The following C9 variants were observed in gnomAD, a reference collection of about 807,000 sequenced individuals.
C9 encodes complement C9.
Under a neutral mutation model 65.4 loss-of-function variants are expected in C9, and 63 were observed. The ratio of observed to expected loss-of-function variants is 0.96; its 90% CI spans 0.79 to 1.19. The LOEUF (loss-of-function observed/expected upper bound fraction) is 1.19. C9 is among the 50% of genes most tolerant of loss of function. The probability of loss-of-function intolerance (pLI) is 0.00; values close to 1 mark genes in which losing one functional copy is unlikely to be tolerated. For missense variants in C9, 744 were observed against 670.1 expected, an observed-to-expected ratio of 1.11 and a Z score of -1.22; for synonymous variants, 229 against 227.9, an observed-to-expected ratio of 1.00 and a Z score of -0.04.
chr5:39,347,988 T>C (rs1310316714), intron 1 of C9, among the ~76,000 whole-genome samples: 3 of 140,848 alleles, frequency 2.1e-5, no homozygotes, highest in Non-Finnish European at 3.1e-5. Context: ...TGAAACTGGA[T>C]CCCTTCCTTA....
chr5:39,308,444 T>A, intron 7 of C9, 86 bp from the exon 8 acceptor site: 4 of 985,388 alleles, frequency 4.1e-6, no homozygotes, highest in Non-Finnish European at 4.9e-6. Flanking sequence ...TCAAGCAACA[T>A]CCTTACTTAG....
intron 7 of C9, among the ~76,000 whole-genome samples, chr5:39,310,031 G>T (rs1188824091): frequency 6.6e-6 from 1 of 152,030 alleles, no homozygotes; most frequent in African/African-American, 2.4e-5. Context: ...CTATGCTGTG[G>T]ATATAGCCCT....
intron 1 of C9, among the ~76,000 whole-genome samples, chr5:39,362,995 A>G (rs1310858919): frequency 3.3e-5 from 5 of 152,114 alleles, no homozygotes; most frequent in Admixed American, 6.5e-5. Flanking sequence ...GCCAGGACCC[A>G]GGGGGTACGC....
chr5:39,353,285 A>G (rs549380944), intron 1 of C9, among the ~76,000 whole-genome samples: 1 of 152,342 alleles, frequency 6.6e-6, no homozygotes, highest in South Asian at 2.1e-4. Flanking sequence ...TAGATCTGTT[A>G]AATAATAAAT....
chr5:39,320,099 A>T (rs891194352), intron 5 of C9, among the ~76,000 whole-genome samples: 8 of 152,210 alleles, frequency 5.3e-5, no homozygotes, highest in Non-Finnish European at 1.0e-4. Context: ...GGTCACAAAG[A>T]TCACACATAA....
chr5:39,360,488 C>T, intron 1 of C9, among the ~76,000 whole-genome samples: 1 of 152,004 alleles, frequency 6.6e-6, no homozygotes, highest in East Asian at 1.9e-4. Context: ...GAAAGTAACT[C>T]CACTAAAACA....
At chr5:39,332,255 T>C (rs1753857702) in intron 4 of C9, among the ~76,000 whole-genome samples, 2 of 152,190 alleles carry the variant, frequency 1.3e-5, no homozygotes, top group East Asian at 1.9e-4. Flanking sequence ...TGAATCAACA[T>C]TGGGGCTTTC....
Position 39,341,267 on chromosome 5 carries a change from A to C in C9, c.355T>G (p.Cys119Gly), listed in dbSNP as rs121909593. Residue 119 changes from cysteine (C) to glycine (G), a missense_variant, in exon 4 of 11, where the codon TGT becomes GGT. By Grantham distance (159) the Cys-to-Gly change is radical. Transcript: ENST00000263408. ...TCTCCGCAGTCATTGTCACCATTAC[A>C]CCGAAGTCGCATCTTTATGCATCTG... ...TGRCIKMRLR[C>G]NGDNDCGDFS... The C allele has an allele frequency of 1.9e-4, 305 of 1,614,010 alleles. No homozygotes were observed. The highest frequency in any genetic ancestry group is 1.2e-3 in the Middle Eastern group (7 of 6,084).
chr5:39,346,542 CA>C (rs1754198272), intron 1 of C9, among the ~76,000 whole-genome samples: 1 of 151,970 alleles, frequency 6.6e-6, no homozygotes, highest in African/African-American at 2.4e-5. Context: ...GCCTACCAAC[CA>C]AAAAAAGTCC....
intron 1 of C9, among the ~76,000 whole-genome samples, chr5:39,351,256 C>T (rs904937504): frequency 2.6e-5 from 4 of 152,162 alleles, no homozygotes; most frequent in Non-Finnish European, 4.4e-5. Flanking sequence ...TCATTTTTAC[C>T]TCCTAGATAT....
intron 1 of C9, among the ~76,000 whole-genome samples, chr5:39,347,219 AG>A (rs1579876195): frequency 6.6e-6 from 1 of 152,212 alleles, no homozygotes; most frequent in Non-Finnish European, 1.5e-5. Context: ...TTAGGAAAAG[AG>A]GAAGTCAAAT....
chr5:39,352,147 A>G (rs1000785736), intron 1 of C9, among the ~76,000 whole-genome samples: 4 of 152,182 alleles, frequency 2.6e-5, no homozygotes, highest in African/African-American at 9.7e-5. Context: ...GAAGTACTAC[A>G]TACTTCTAAA....
rs1407613505 is a variant in C9, at chr5:39,359,102, G to GTGTGTGTATATATATATGTA, written c.77+5285_77+5286insTACATATATATATACACACA. Among the ~76,000 whole-genome samples the GTGTGTGTATATATATATGTA allele has an allele frequency of 1.2e-4, 12 of 103,664 alleles. 1 individual carries two copies. The highest frequency in any genetic ancestry group is 2.1e-4 in the Non-Finnish European group (11 of 52,150). 68.0% of individuals were successfully genotyped at this position (103,664 alleles called of 152,430 possible). ...TGTATATATATATGTGTGTGTGTGT[G>GTGTGTGTATATATATATGTA]TATATATATATATATATATATATGT... On this transcript the variant is annotated intron_variant, in intron 1 of 10. Coordinates refer to ENST00000263408, the MANE Select transcript of C9 (RefSeq NM_001737.5).
At chr5:39,308,450 C>G in intron 7 of C9, 92 bp from the exon 8 acceptor site, 1 of 900,096 alleles carries the variant, frequency 1.1e-6, no homozygotes, top group East Asian at 2.5e-5. Context: ...AACATCCTTA[C>G]TTAGGTTCCT....
chr5:39,332,431 T>TC (rs1753861274), intron 4 of C9, among the ~76,000 whole-genome samples: 1 of 152,234 alleles, frequency 6.6e-6, no homozygotes, highest in Admixed American at 6.5e-5. Flanking sequence ...TTCTATTTTT[T>TC]CCCATAGCAA....
At chr5:39,291,801 T>A (rs1753102732) in intron 9 of C9, among the ~76,000 whole-genome samples, 1 of 151,794 alleles carries the variant, frequency 6.6e-6, no homozygotes, top group African/African-American at 2.4e-5. Flanking sequence ...ATGAAAAATA[T>A]CTTTGATGAG....
At position 39,332,266 on chromosome 5, in the gene C9, TCTCA is replaced by T. The variant is rs1753857946; in HGVS notation, c.477-456_477-453del. The stretch of plus-strand genomic sequence containing the variant: ...TCTATGAATCAACATTGGGGCTTTC[TCTCA>T]CTCACCCCATTCTCTTTAAACTTAA... On this transcript the variant is annotated intron_variant, in intron 4 of 10. Transcript: ENST00000263408. Among the ~76,000 whole-genome samples, 4 of 152,298 alleles carry T rather than the reference TCTCA, an allele frequency of 2.6e-5. No individual in the cohort carries two copies. In the South Asian group the frequency reaches 8.3e-4, roughly 32 times the overall value.
chr5:39,360,261 C>CTATTAT (rs537968301), intron 1 of C9, among the ~76,000 whole-genome samples: 2 of 151,416 alleles, frequency 1.3e-5, no homozygotes, highest in East Asian at 3.8e-4. Context: ...ATATCTACTA[C>CTATTAT]TATTATTATT....
intron 9 of C9, among the ~76,000 whole-genome samples, chr5:39,302,852 T>C (rs1464120538): frequency 1.3e-5 from 2 of 152,172 alleles, no homozygotes; most frequent in Non-Finnish European, 2.9e-5. Context: ...CTCATGCATT[T>C]CTTACCAATC....
Sources: gnomAD v4.1 joint callset for allele counts (sites outside exome capture counted in the v4.1 genomes callset) on GRCh38, gnomAD v4.1.1 for gene constraint, MANE v1.5 for transcripts, NCBI Gene and HGNC (gene_info 2026-07-23, HGNC 2026-07-21) for gene names.